The following SYN3 variants were observed in gnomAD, a reference collection of about 807,000 sequenced individuals.
SYN3 encodes synapsin-3.
In SYN3, 35 loss-of-function variants were observed where a neutral mutation model predicts 65.8. That is an observed-to-expected ratio of 0.53 (90% CI 0.41 to 0.70). SYN3 has a LOEUF of 0.70. Among genes scored for constraint, SYN3 ranks in the 30% least tolerant of loss-of-function variants. The pLI is 0.00. For missense variants in SYN3, 680 were observed against 749.0 expected, an observed-to-expected ratio of 0.91 and a Z score of 1.08; for synonymous variants, 270 against 292.9, an observed-to-expected ratio of 0.92 and a Z score of 0.80.
rs1340462368 is a variant in SYN3 at position 32,562,140 on chromosome 22, C to T, written c.775-20427G>A. On this transcript the variant is annotated intron_variant, in intron 7 of 13. Coordinates refer to ENST00000358763, the MANE Select transcript of SYN3 (RefSeq NM_003490.4). ...GGTTCTGTCAAAGAGATAACATCCC[C>T]CCCAATACTTAATTCTGAAAGGCAC... 2.6e-5 allele frequency among the ~76,000 whole-genome samples: 4 copies of T among 152,288 alleles called. No individual in the cohort carries two copies. The East Asian group carries it at 5.8e-4, about 22-fold the overall frequency.
At chr22:32,741,416 C>T (rs1443086895) in intron 6 of SYN3, among the ~76,000 whole-genome samples, 2 of 135,306 alleles carry the variant, frequency 1.5e-5, no homozygotes, top group African/African-American at 5.5e-5. Flanking sequence ...AGTGCAGTGG[C>T]GTGATCTCAG....
intron 4 of SYN3, among the ~76,000 whole-genome samples, chr22:32,886,913 C>CCTTA (rs1302688488): frequency 3.9e-5 from 6 of 152,232 alleles, no homozygotes; most frequent in African/African-American, 1.4e-4. Context: ...ATGTTCAAGC[C>CCTTA]CTTACATGCT....
intron 6 of SYN3, among the ~76,000 whole-genome samples, chr22:32,688,761 G>A (rs1401789791): frequency 1.3e-5 from 2 of 151,480 alleles, no homozygotes; most frequent in East Asian, 1.9e-4. Context: ...TGATTTTCTC[G>A]CTGGATGGAA....
rs1029298576 is a variant in SYN3 at position 32,538,170 on chromosome 22, C to T, written c.918-60G>A. On this transcript the variant is annotated intron_variant, in intron 8 of 13. Transcript: ENST00000358763. ...GGGACCCTCGTCACTGATCTGCTTT[C>T]CTTCTTTGCTTTGGCTGTTAGGAGG... 138 of 1,517,718 alleles carry T rather than the reference C, an allele frequency of 9.1e-5. No homozygotes were observed. In the South Asian group the frequency reaches 1.5e-3, roughly 16 times the overall value. The allele number at this position is 1,517,718 out of a possible 1,614,324, so 94.0% of individuals were successfully genotyped here.
intron 4 of SYN3, among the ~76,000 whole-genome samples, chr22:32,872,759 G>A (rs970990742): frequency 6.6e-6 from 1 of 152,024 alleles, no homozygotes; most frequent in African/African-American, 2.4e-5. Context: ...CTGGCCAGGG[G>A]GTGGCCAAGT....
intron 6 of SYN3, among the ~76,000 whole-genome samples, chr22:32,611,388 G>T (rs5749472): frequency 0.12 from 17,259 of 145,380 alleles, 1,195 homozygotes; most frequent in East Asian, 0.3. Flanking sequence ...CTGCCTCCCA[G>T]ATTCAGATGA....
In SYN3 at chr22:32,635,651, G is replaced by A. The variant is rs138677614; in HGVS notation, c.712-38915C>T. ...TGGCTTAGTACTCGTTGTAGTGCAG[G>A]TGCTCAGCCGGTATGTGCTGGATGA... is the stretch of plus-strand genomic sequence containing the variant. On this transcript the variant is annotated intron_variant, in intron 6 of 13. Coordinates refer to ENST00000358763, the MANE Select transcript of SYN3 (RefSeq NM_003490.4). Among the ~76,000 whole-genome samples, 539 of 152,274 alleles carry A rather than the reference G, an allele frequency of 3.5e-3. 1 individual carries two copies. Among genetic ancestry groups the A allele is most frequent in the Admixed American group, 5.8e-3 (88 of 15,280 alleles).
At chr22:32,567,782 A>T (rs867737132) in intron 7 of SYN3, among the ~76,000 whole-genome samples, 3 of 152,068 alleles carry the variant, frequency 2.0e-5, no homozygotes, top group Admixed American at 1.3e-4. Context: ...AAGTGGGAAG[A>T]TTGTCTGGGC....
At chr22:32,762,952 A>G (rs1371982800) in intron 6 of SYN3, among the ~76,000 whole-genome samples, 1 of 152,246 alleles carries the variant, frequency 6.6e-6, no homozygotes. Flanking sequence ...AGCAAGGAAT[A>G]TTAATCACAT....
chr22:32,980,566 G>T, intron 3 of SYN3, 79 bp downstream of exon 3: 1 of 1,314,022 alleles, frequency 7.6e-7, no homozygotes, highest in Non-Finnish European at 1.1e-6. Flanking sequence ...CATAAGATGG[G>T]GACCAAGATT....
chr22:32,531,104 T>A (rs1423268163), intron 10 of SYN3, among the ~76,000 whole-genome samples: 1 of 142,000 alleles, frequency 7.0e-6, no homozygotes, highest in Non-Finnish European at 1.5e-5. Flanking sequence ...AAACAGGCCT[T>A]TCCTCTTCCC....
At chr22:32,534,868 T>A (rs3939028) in intron 9 of SYN3, among the ~76,000 whole-genome samples, 2 of 152,138 alleles carry the variant, frequency 1.3e-5, no homozygotes, top group East Asian at 1.9e-4. Context: ...CTGGTCCAGA[T>A]CACACAGTAA....
chr22:32,872,957 T>TTTTTG (rs2048889386), intron 4 of SYN3, among the ~76,000 whole-genome samples: 1 of 134,514 alleles, frequency 7.4e-6, no homozygotes. Context: ...TTTTTTTTTT[T>TTTTTG]GAGAGACAGA....
At chr22:32,631,591 T>C (rs1052163599) in intron 6 of SYN3, among the ~76,000 whole-genome samples, 1 of 152,174 alleles carries the variant, frequency 6.6e-6, no homozygotes, top group Non-Finnish European at 1.5e-5. Flanking sequence ...CTTTTGAAAA[T>C]GAGCAACCTT....
chr22:32,645,699 G>A (rs527884456), intron 6 of SYN3, among the ~76,000 whole-genome samples: 4 of 152,250 alleles, frequency 2.6e-5, no homozygotes, highest in South Asian at 2.1e-4. Flanking sequence ...GGAAAGGGAC[G>A]TAACTGCTCC....
At chr22:33,040,969 C>T (rs962093928) in intron 1 of SYN3, among the ~76,000 whole-genome samples, 1 of 151,960 alleles carries the variant, frequency 6.6e-6, no homozygotes, top group African/African-American at 2.4e-5. Context: ...GGCTGGAGTG[C>T]AGTGGCATGA....
intron 6 of SYN3, among the ~76,000 whole-genome samples, chr22:32,603,377 A>T (rs924539876): frequency 2.7e-5 from 4 of 146,858 alleles, no homozygotes; most frequent in Admixed American, 1.4e-4. Context: ...AAAAATAGCC[A>T]GGTATGGTGG....
chr22:33,033,503 G>A (rs920557960), intron 1 of SYN3, among the ~76,000 whole-genome samples: 7 of 151,976 alleles, frequency 4.6e-5, no homozygotes, highest in Admixed American at 2.6e-4. Flanking sequence ...ATTATCCCAC[G>A]GTATTTTCTG....
intron 6 of SYN3, among the ~76,000 whole-genome samples, chr22:32,652,737 T>C (rs1029138106): frequency 5.3e-5 from 8 of 151,992 alleles, no homozygotes; most frequent in African/African-American, 1.7e-4. Flanking sequence ...CTTTGAGAAA[T>C]TGACGCCCAA....
Sources: gnomAD v4.1 joint callset for allele counts (sites outside exome capture counted in the v4.1 genomes callset) on GRCh38, gnomAD v4.1.1 for gene constraint, MANE v1.5 for transcripts, NCBI Gene and HGNC (gene_info 2026-07-23, HGNC 2026-07-21) for gene names.